Variants in KCTD3 observed in about 807,000 individuals in gnomAD.
KCTD3 encodes the protein potassium channel tetramerization domain containing 3.
KCTD3 carries 41 observed loss-of-function variants against 85.8 expected under a neutral mutation model. The ratio of observed to expected loss-of-function variants is 0.48; its 90% CI spans 0.37 to 0.62. The LOEUF (loss-of-function observed/expected upper bound fraction) is 0.62. KCTD3 is among the 20% of genes least tolerant of loss of function. KCTD3 has a pLI of 0.00. For synonymous variants in KCTD3, 338 were observed against 345.4 expected (o/e 0.98, Z 0.24); for missense variants, 724 against 989.9 (o/e 0.73, Z 3.60).
intron 12 of KCTD3, 69 bp downstream of exon 12, chr1:215,602,270 T>A: frequency 1.3e-6 from 1 of 747,028 alleles, no homozygotes; most frequent in Non-Finnish European, 2.3e-6. Context: ...ATTATGTGAC[T>A]AGGTCAAATT....
intron 14 of KCTD3, among the ~76,000 whole-genome samples, chr1:215,608,748 G>A (rs867406938): frequency 1.1e-4 from 16 of 152,010 alleles, no homozygotes; most frequent in Middle Eastern, 3.4e-3. Flanking sequence ...TCTTCATAGA[G>A]ATAGATCATT....
rs1422029759 is a variant in KCTD3, at chr1:215,620,482, C to T, written c.2312C>T (p.Pro771Leu). The change falls in exon 18 of 18, where the codon CCC becomes CTC. Residue 771 changes from proline to leucine, a missense_variant. Physicochemically the swap from Pro to Leu is moderately conservative, Grantham distance 98. Transcript: ENST00000259154. Reference sequence around the variant, plus strand: ...GGATTCCTTGGAAGAAAGAAAGTTCCCTATCTGGCGTCATCACCAAGTACT... The same window carrying T: ...GGATTCCTTGGAAGAAAGAAAGTTCTCTATCTGGCGTCATCACCAAGTACT... ...GGGFLGRKKV[P>L]YLASSPSTSD... 19 of 1,613,484 alleles carry T rather than the reference C, an allele frequency of 1.2e-5. No homozygotes were observed. The highest frequency in any genetic ancestry group is 1.6e-5 in the Non-Finnish European group (19 of 1,179,638).
chr1:215,602,397 T>A (rs937997637), intron 12 of KCTD3, among the ~76,000 whole-genome samples, 196 bp downstream of exon 12: 3 of 152,032 alleles, frequency 2.0e-5, no homozygotes, highest in African/African-American at 7.2e-5. Flanking sequence ...CAAACATAAT[T>A]TGAGGTGGAA....
chr1:215,591,218 C>T (rs1425851873), intron 9 of KCTD3, among the ~76,000 whole-genome samples: 1 of 152,170 alleles, frequency 6.6e-6, no homozygotes, highest in East Asian at 1.9e-4. Flanking sequence ...CCTAAAGCAG[C>T]TATCTCCCGT....
rs1355821397 is a variant in KCTD3, at chr1:215,620,475, A to T, written c.2305A>T (p.Lys769Ter). Residue 769 changes from lysine to a stop codon, truncating the protein, a stop_gained, in exon 18 of 18, where the codon AAA becomes TAA. Transcript: ENST00000259154. LOFTEE classifies it high-confidence loss of function. Reference sequence around the variant, plus strand: ...AGGGGGAGGATTCCTTGGAAGAAAGAAAGTTCCCTATCTGGCGTCATCACC... The same window carrying T: ...AGGGGGAGGATTCCTTGGAAGAAAGTAAGTTCCCTATCTGGCGTCATCACC... ...FEGGGFLGRK[K>*]VPYLASSPST... The T allele has an allele frequency of 3.7e-6, 6 of 1,613,692 alleles. No homozygotes were observed. The highest frequency in any genetic ancestry group is 2.2e-5 in the East Asian group (1 of 44,882).
rs1654860454 is a variant in KCTD3, at chr1:215,602,260, A to G, written c.1138+59A>G. The stretch of plus-strand genomic sequence containing the variant: ...TTTTTATCTTTTTATTCATTAGTTT[A>G]TTATGTGACTAGGTCAAATTAAACT... On this transcript the variant is annotated intron_variant, in intron 12 of 17. Coordinates refer to ENST00000259154, the MANE Select transcript of KCTD3 (RefSeq NM_016121.5). The G allele has an allele frequency of 8.4e-6, 7 of 834,264 alleles. No homozygotes were observed. In the South Asian group the frequency reaches 1.0e-4, roughly 12 times the overall value. The allele number at this position is 834,264 out of a possible 1,614,324, so 51.7% of individuals were successfully genotyped here.
chr1:215,572,540 A>AGCTTCTAAGTGGGCTTCTAAGT (rs1659406225), intron 1 of KCTD3, among the ~76,000 whole-genome samples: 1 of 152,204 alleles, frequency 6.6e-6, no homozygotes, highest in Admixed American at 6.5e-5. Context: ...GCTATTTAAT[A>AGCTTCTAAGTGGGCTTCTAAGT]GCCCACTTAG....
Position 215,617,733 on chromosome 1 carries a change from C to T in KCTD3, c.1563-1153C>T, listed in dbSNP as rs551400318. Among the ~76,000 whole-genome samples the T allele has an allele frequency of 2.0e-4, 30 of 149,740 alleles. No individual in the cohort carries two copies. In the South Asian group the frequency reaches 2.5e-3, roughly 13 times the overall value. On this transcript the variant is annotated intron_variant, in intron 15 of 17. Transcript: ENST00000259154. ...GTGGGAACTGGGGGCTGCAGTGGAC[C>T]TGAGTGAATATGCTTACCTTCCACT... is the stretch of plus-strand genomic sequence containing the variant.
intron 8 of KCTD3, 94 bp from the exon 9 acceptor site, chr1:215,586,401 T>G: frequency 9.3e-7 from 1 of 1,074,146 alleles, no homozygotes; most frequent in Non-Finnish European, 1.3e-6. Context: ...TTTTTTGTTT[T>G]TTGTTGTTGT....
chr1:215,598,396 A>G (rs973256188), intron 10 of KCTD3, among the ~76,000 whole-genome samples: 2 of 152,122 alleles, frequency 1.3e-5, no homozygotes, highest in African/African-American at 2.4e-5. Flanking sequence ...TTCTATGAGA[A>G]CTCCAATTTG....
chr1:215,594,898 A>C (rs1485872435), intron 9 of KCTD3, among the ~76,000 whole-genome samples: 1 of 152,084 alleles, frequency 6.6e-6, no homozygotes, highest in African/African-American at 2.4e-5. Context: ...TAGATAGTTA[A>C]GGCTGCCAAG....
chr1:215,591,569 ATAGTCT>A (rs1160782009), intron 9 of KCTD3, among the ~76,000 whole-genome samples: 1 of 152,030 alleles, frequency 6.6e-6, no homozygotes, highest in East Asian at 1.9e-4. Flanking sequence ...CTTGACCAAG[ATAGTCT>A]CGATCTCTTG....
intron 14 of KCTD3, among the ~76,000 whole-genome samples, chr1:215,608,463 A>C (rs1002280022): frequency 6.6e-6 from 1 of 151,936 alleles, no homozygotes; most frequent in Admixed American, 6.6e-5. Flanking sequence ...TATTATTAAA[A>C]CTATGATAAC....
At chr1:215,609,935 A>T (rs1388887442) in intron 14 of KCTD3, among the ~76,000 whole-genome samples, 1 of 151,954 alleles carries the variant, frequency 6.6e-6, no homozygotes, top group Admixed American at 6.6e-5. Context: ...TTCAGCATAT[A>T]AGAAGCACCT....
rs181415459 is a variant in KCTD3, at chr1:215,611,105, T to C, written c.1466-720T>C. Among the ~76,000 whole-genome samples the C allele has an allele frequency of 3.2e-4, 48 of 152,146 alleles. No individual in the cohort carries two copies. In the East Asian group the frequency reaches 8.9e-3, roughly 28 times the overall value. On this transcript the variant is annotated intron_variant, in intron 14 of 17. Coordinates refer to ENST00000259154, the MANE Select transcript of KCTD3 (RefSeq NM_016121.5). ...TTTAAGTTTTAAACAAAAACTTTTT[T>C]TCTTTACATTGTTGTTCAGGATCTT...
intron 8 of KCTD3, among the ~76,000 whole-genome samples, chr1:215,583,560 C>T (rs936626202): frequency 3.3e-5 from 5 of 152,122 alleles, no homozygotes; most frequent in African/African-American, 9.7e-5. Context: ...TTCCTTGTTA[C>T]GCTGTGACTA....
intron 8 of KCTD3, among the ~76,000 whole-genome samples, chr1:215,585,131 G>A (rs150228160): frequency 2.0e-5 from 3 of 152,232 alleles, no homozygotes; most frequent in African/African-American, 4.8e-5. Context: ...AGAATTCAGG[G>A]TGAGTCCTTA....
At chr1:215,602,374 C>G (rs1378496365) in intron 12 of KCTD3, among the ~76,000 whole-genome samples, 173 bp downstream of exon 12, 3 of 151,758 alleles carry the variant, frequency 2.0e-5, no homozygotes, top group Non-Finnish European at 4.4e-5. Context: ...TGAAGTCAAA[C>G]ATGACCAGTA....
At chr1:215,580,085 T>A (rs902457796) in intron 8 of KCTD3, 86 bp downstream of exon 8, 6 of 749,158 alleles carry the variant, frequency 8.0e-6, no homozygotes, top group Admixed American at 2.6e-5. Context: ...TGAAAAGCTA[T>A]TTTTTTTTAG....
Sources: allele counts gnomAD v4.1 joint callset (sites outside exome capture counted in the v4.1 genomes callset), GRCh38; gene constraint gnomAD v4.1.1; transcripts MANE v1.5; gene names NCBI Gene and HGNC (gene_info 2026-07-23, HGNC 2026-07-21).